Variants in TOX observed in about 807,000 individuals in gnomAD.
TOX encodes the protein thymocyte selection-associated high mobility group box protein TOX.
In TOX, 11 loss-of-function variants were observed where a neutral mutation model predicts 53.7. The ratio of observed to expected loss-of-function variants is 0.20; its 90% CI spans 0.13 to 0.34. The LOEUF (loss-of-function observed/expected upper bound fraction) is 0.34. TOX is among the 10% of genes least tolerant of loss of function. The pLI is 1.00. For missense variants in TOX, 570 were observed against 664.6 expected (o/e 0.86, Z 1.56); for synonymous variants, 225 against 245.3 (o/e 0.92, Z 0.77).
chr8:58,984,987 A>G (rs1404006370), intron 1 of TOX, among the ~76,000 whole-genome samples: 1 of 151,056 alleles, frequency 6.6e-6, no homozygotes, highest in Non-Finnish European at 1.5e-5. Context: ...AAAAGAATTG[A>G]AAACTGAGTC....
chr8:58,979,835 T>TG (rs1813167858), intron 1 of TOX, among the ~76,000 whole-genome samples: 1 of 152,164 alleles, frequency 6.6e-6, no homozygotes, highest in African/African-American at 2.4e-5. Context: ...CTCTGTAAAA[T>TG]GGGGAGACAA....
chr8:59,033,129 G>A (rs13268134), intron 1 of TOX, among the ~76,000 whole-genome samples: 31,593 of 152,068 alleles, frequency 0.21, 3,483 homozygotes, highest in African/African-American at 0.26. Flanking sequence ...CTCTTAAGAA[G>A]CCTCTCCTCG....
intron 3 of TOX, among the ~76,000 whole-genome samples, chr8:58,893,407 C>T (rs1811591148): frequency 6.6e-6 from 1 of 152,132 alleles, no homozygotes; most frequent in South Asian, 2.1e-4. Context: ...ATGATATTCA[C>T]CACTGCAGTG....
chr8:59,077,657 T>C (rs1804315220), intron 1 of TOX, among the ~76,000 whole-genome samples: 1 of 152,220 alleles, frequency 6.6e-6, no homozygotes, highest in African/African-American at 2.4e-5. Flanking sequence ...CCAGATAGCC[T>C]TGATGAAAAA....
At chr8:58,875,806 A>T (rs1460769015) in intron 3 of TOX, among the ~76,000 whole-genome samples, 1 of 152,192 alleles carries the variant, frequency 6.6e-6, no homozygotes, top group Non-Finnish European at 1.5e-5. Context: ...ATAGTCTTTA[A>T]GCTTCAGTTT....
rs1193186830 is a variant in TOX, at chr8:58,865,844, TTTTGTCCTGAGACAGAGTCTCACTC to T, written c.412-14064_412-14040del. On this transcript the variant is annotated intron_variant, in intron 3 of 8. Transcript: ENST00000361421. Reference sequence around the variant, plus strand: ...GACAGTGGCTTTTTTTTTTTTTTTTTTTTGTCCTGAGACAGAGTCTCACTCTGTCGTCCAGGCTGGAGTGCAGTGG... The same window carrying T: ...GACAGTGGCTTTTTTTTTTTTTTTTTTGTCGTCCAGGCTGGAGTGCAGTGG... Among the ~76,000 whole-genome samples the T allele has an allele frequency of 1.3e-4, 13 of 102,676 alleles. No individual in the cohort carries two copies. In the South Asian group the frequency reaches 1.8e-3, roughly 14 times the overall value. 67.4% of individuals were successfully genotyped at this position (102,676 alleles called of 152,430 possible).
At chr8:58,811,121 C>T (rs553701772) in intron 7 of TOX, among the ~76,000 whole-genome samples, 3 of 152,258 alleles carry the variant, frequency 2.0e-5, no homozygotes, top group Admixed American at 6.5e-5. Flanking sequence ...GCAAATGACA[C>T]ATTCCTCTGA....
At chr8:58,896,550 C>T (rs1166977369) in intron 3 of TOX, among the ~76,000 whole-genome samples, 4 of 152,128 alleles carry the variant, frequency 2.6e-5, no homozygotes, top group African/African-American at 9.7e-5. Context: ...TGGCATGTGC[C>T]TATAATCCCA....
chr8:58,853,088 C>G (rs61600352), intron 3 of TOX, among the ~76,000 whole-genome samples: 10,052 of 152,206 alleles, frequency 0.066, 376 homozygotes, highest in East Asian at 0.11. Context: ...CCACAGCCCC[C>G]ATGTGTGCCC....
intron 2 of TOX, among the ~76,000 whole-genome samples, chr8:58,948,143 C>T (rs993855694): frequency 1.3e-5 from 2 of 152,168 alleles, no homozygotes; most frequent in Non-Finnish European, 2.9e-5. Context: ...CTTCCTGGGA[C>T]CTGGGCTGGG....
At chr8:58,982,167 C>T (rs762815956) in intron 1 of TOX, among the ~76,000 whole-genome samples, 5 of 152,126 alleles carry the variant, frequency 3.3e-5, no homozygotes, top group Non-Finnish European at 5.9e-5. Flanking sequence ...TCCTTATACT[C>T]ATTCTCTTTC....
At chr8:58,891,680 A>G (rs1585883797) in intron 3 of TOX, among the ~76,000 whole-genome samples, 1 of 152,240 alleles carries the variant, frequency 6.6e-6, no homozygotes, top group Admixed American at 6.5e-5. Context: ...TGATTTCTTC[A>G]TGAAATGAAA....
chr8:59,046,018 G>A (rs1007812405), intron 1 of TOX, among the ~76,000 whole-genome samples: 1 of 152,188 alleles, frequency 6.6e-6, no homozygotes, highest in African/African-American at 2.4e-5. Context: ...AATAGTGCCT[G>A]TGTTTGCGCT....
intron 1 of TOX, among the ~76,000 whole-genome samples, chr8:58,983,505 G>T (rs1446698935): frequency 1.3e-5 from 2 of 152,188 alleles, no homozygotes; most frequent in African/African-American, 4.8e-5. Context: ...TGACCTTCAA[G>T]TTCTTCATAT....
intron 3 of TOX, among the ~76,000 whole-genome samples, chr8:58,905,862 G>A (rs1281053410): frequency 1.3e-5 from 2 of 152,226 alleles, no homozygotes; most frequent in Middle Eastern, 3.4e-3. Context: ...TATGAAGATC[G>A]GCGATGCATT....
intron 1 of TOX, among the ~76,000 whole-genome samples, chr8:58,983,756 T>A (rs1813270611): frequency 6.6e-6 from 1 of 152,254 alleles, no homozygotes; most frequent in Admixed American, 6.5e-5. Context: ...CCTTTTGCCC[T>A]GTAGAGGTTC....
At chr8:59,106,637 A>G (rs2129424688) in intron 1 of TOX, among the ~76,000 whole-genome samples, 1 of 152,296 alleles carries the variant, frequency 6.6e-6, no homozygotes, top group East Asian at 1.9e-4. Context: ...AGCTAAGCAG[A>G]GTCATGAATT....
intron 3 of TOX, among the ~76,000 whole-genome samples, chr8:58,861,900 G>T (rs959056918): frequency 6.6e-6 from 1 of 152,014 alleles, no homozygotes; most frequent in Non-Finnish European, 1.5e-5. Flanking sequence ...TCATTTAGAG[G>T]CACTTAAATC....
intron 1 of TOX, among the ~76,000 whole-genome samples, chr8:59,101,873 C>T (rs950434272): frequency 2.0e-5 from 3 of 152,174 alleles, no homozygotes; most frequent in African/African-American, 4.8e-5. Context: ...ATGCACACAC[C>T]TAAAATCTAT....
Sources: gnomAD v4.1 joint callset for allele counts (sites outside exome capture counted in the v4.1 genomes callset) on GRCh38, gnomAD v4.1.1 for gene constraint, MANE v1.5 for transcripts, NCBI Gene and HGNC (gene_info 2026-07-23, HGNC 2026-07-21) for gene names.